Variants in PDE1A observed in about 807,000 individuals in gnomAD.
PDE1A encodes phosphodiesterase 1A, also known as dual specificity calcium/calmodulin-dependent 3',5'-cyclic nucleotide phosphodiesterase 1A.
In PDE1A, 35 loss-of-function variants were observed where a neutral mutation model predicts 61.7. The ratio of observed to expected loss-of-function variants is 0.57; its 90% CI spans 0.43 to 0.75. PDE1A has a LOEUF of 0.75. PDE1A is among the 30% of genes least tolerant of loss of function. The pLI is 0.00. For synonymous variants in PDE1A, 232 were observed against 213.2 expected, an observed-to-expected ratio of 1.09 and a Z score of -0.77; for missense variants, 597 against 630.6, an observed-to-expected ratio of 0.95 and a Z score of 0.57.
intron 1 of PDE1A, among the ~76,000 whole-genome samples, chr2:182,272,547 G>A (rs1693106674): frequency 6.6e-6 from 1 of 152,110 alleles, no homozygotes; most frequent in Non-Finnish European, 1.5e-5. Flanking sequence ...AAGCCACTGA[G>A]GAGATGCATT....
the PDE1A span, among the ~76,000 whole-genome samples, chr2:182,536,025 T>C: frequency 6.6e-6 from 1 of 152,150 alleles, no homozygotes; most frequent in Non-Finnish European, 1.5e-5. Flanking sequence ...AGGGTCACTG[T>C]ACCACACAGC....
chr2:182,188,862 A>G (rs1486493077), intron 11 of PDE1A, 117 bp downstream of exon 11: 4 of 658,974 alleles, frequency 6.1e-6, no homozygotes, highest in Non-Finnish European at 1.1e-5. Flanking sequence ...AATCAAATAT[A>G]TCATGAATAT....
Position 182,201,806 on chromosome 2 carries a change from A to T in PDE1A, c.903-17T>A. The stretch of plus-strand genomic sequence containing the variant: ...CGAAGATCCCTGCAGAGTCACCAAA[A>T]GGAGAAAGGTTCATTCAGCCATTTA... On this transcript the variant is annotated splice_polypyrimidine_tract_variant and intron_variant, in intron 8 of 13. Coordinates refer to ENST00000351439, the Ensembl canonical transcript of PDE1A. 6.7e-7 allele frequency: 1 copy of T among 1,500,294 alleles called. No homozygotes were observed. The highest frequency in any genetic ancestry group is 9.2e-7 in the Non-Finnish European group (1 of 1,092,476). 92.9% of individuals were successfully genotyped at this position (1,500,294 alleles called of 1,614,324 possible).
the PDE1A span, among the ~76,000 whole-genome samples, chr2:182,632,235 G>T: frequency 6.6e-6 from 1 of 151,918 alleles, no homozygotes; most frequent in East Asian, 1.9e-4. Context: ...TTCATTAACT[G>T]TACCACCATT....
intron 2 of PDE1A, among the ~76,000 whole-genome samples, chr2:182,462,304 TA>T (rs895062589): frequency 2.0e-5 from 3 of 150,434 alleles, no homozygotes; most frequent in African/African-American, 4.9e-5. Flanking sequence ...TAAAGTATAA[TA>T]AAAAAAAGAA....
chr2:182,352,098 CA>C (rs1698915407), intron 1 of PDE1A, among the ~76,000 whole-genome samples: 1 of 152,204 alleles, frequency 6.6e-6, no homozygotes, highest in Non-Finnish European at 1.5e-5. Context: ...TGTGGAACCA[CA>C]ACCACTTTTT....
chr2:182,314,208 AAATG>A (rs1296788892), intron 1 of PDE1A: 8 of 152,224 alleles, frequency 5.3e-5, no homozygotes, highest in Admixed American at 2.0e-4. Flanking sequence ...CAGAGAATAA[AAATG>A]AATGAATAAT....
At chr2:182,587,062 G>A in the PDE1A span, among the ~76,000 whole-genome samples, 1 of 152,154 alleles carries the variant, frequency 6.6e-6, no homozygotes, top group Admixed American at 6.5e-5. Flanking sequence ...AAGATGAGTG[G>A]TAATTAGCTC....
chr2:182,557,535 G>T, the PDE1A span, among the ~76,000 whole-genome samples: 1 of 151,722 alleles, frequency 6.6e-6, no homozygotes, highest in Non-Finnish European at 1.5e-5. Context: ...AACATGATGA[G>T]ACCCCATCTA....
chr2:182,412,360 C>G (rs1199143889), intron 1 of PDE1A, among the ~76,000 whole-genome samples: 2 of 152,184 alleles, frequency 1.3e-5, no homozygotes, highest in African/African-American at 4.8e-5. Flanking sequence ...ATATCTGACT[C>G]TAGAGCATAG....
At chr2:182,696,173 G>A in the PDE1A span, among the ~76,000 whole-genome samples, 41 of 152,300 alleles carry the variant, frequency 2.7e-4, no homozygotes, top group African/African-American at 9.1e-4. Flanking sequence ...GATATTTACA[G>A]CAACTTTATT....
At chr2:182,627,995 A>T in the PDE1A span, among the ~76,000 whole-genome samples, 3 of 151,938 alleles carry the variant, frequency 2.0e-5, no homozygotes, top group African/African-American at 4.8e-5. Flanking sequence ...AATTAATTCA[A>T]ATTATTTATA....
intron 1 of PDE1A, among the ~76,000 whole-genome samples, chr2:182,280,634 C>T (rs1330121220): frequency 6.6e-6 from 1 of 152,026 alleles, no homozygotes; most frequent in Admixed American, 6.6e-5. Context: ...CTCTGCTCTG[C>T]CAGTTACCAC....
At chr2:182,205,873 A>T in intron 8 of PDE1A, 67 bp downstream of exon 8, 1 of 1,404,502 alleles carries the variant, frequency 7.1e-7, no homozygotes, top group Admixed American at 2.1e-5. Flanking sequence ...TTTTTTCTTG[A>T]CTTTAAATCG....
In PDE1A at chr2:182,215,821, G is replaced by A. The variant is rs1309237622; in HGVS notation, c.776+8043C>T. 1.3e-3 allele frequency among the ~76,000 whole-genome samples: 88 copies of A among 65,384 alleles called. 7 individuals are homozygous for A. In the South Asian group the frequency reaches 0.043, roughly 32 times the overall value. The allele number at this position is 65,384 out of a possible 152,430, so 42.9% of individuals were successfully genotyped here. A position where few individuals can be genotyped will look rare whatever the true frequency, so the allele number is the denominator to read the frequency against. On this transcript the variant is annotated intron_variant, in intron 7 of 13. Coordinates refer to ENST00000351439, the Ensembl canonical transcript of PDE1A. ...TCCAGGACCAGATGGATTCACAGCCGAATTCTACCAGAGGTACAAGGAGGA... is the reference window on the plus strand; with the variant it reads ...TCCAGGACCAGATGGATTCACAGCCAAATTCTACCAGAGGTACAAGGAGGA...
At chr2:182,694,628 A>C in the PDE1A span, among the ~76,000 whole-genome samples, 1 of 152,230 alleles carries the variant, frequency 6.6e-6, no homozygotes, top group Admixed American at 6.5e-5. Context: ...TCTGTGTTAG[A>C]ACAAATGTTT....
At position 182,168,229 on chromosome 2, in the gene PDE1A, G is replaced by A. The variant is rs1461216013; in HGVS notation, c.*18C>T. 4.4e-6 allele frequency: 7 copies of A among 1,576,724 alleles called. No homozygotes were observed. In the East Asian group the frequency reaches 1.4e-4, roughly 31 times the overall value. ...AAATTAGAGCTGCCACCATGCACGA[G>A]GTTTTACTTAAAGGTGTTTACTGAT... On this transcript the variant is annotated 3_prime_UTR_variant, in exon 14 of 14. Coordinates refer to ENST00000351439, the Ensembl canonical transcript of PDE1A.
exon 7 of PDE1A, chr2:182,223,869 C>T (rs1688931094): frequency 6.4e-7 from 1 of 1,565,924 alleles, no homozygotes; most frequent in Non-Finnish European, 8.7e-7. Context: ...CTTACCTTGT[C>T]TGAATGTGAA....
chr2:182,202,838 C>T (rs1686774463), intron 8 of PDE1A, among the ~76,000 whole-genome samples: 1 of 152,188 alleles, frequency 6.6e-6, no homozygotes, highest in South Asian at 2.1e-4. Flanking sequence ...TCCACAATTC[C>T]TTGTTTGCTC....
Sources: allele counts gnomAD v4.1 joint callset (sites outside exome capture counted in the v4.1 genomes callset), GRCh38; gene constraint gnomAD v4.1.1; transcripts MANE v1.5; gene names NCBI Gene and HGNC (gene_info 2026-07-23, HGNC 2026-07-21).